ZC3HAV1: variants seen among roughly 807,000 people sequenced by gnomAD.
ZC3HAV1 encodes zinc finger CCCH-type antiviral protein 1.
A neutral mutation model predicts 86.6 loss-of-function variants in ZC3HAV1; 41 were observed. That is an observed-to-expected ratio of 0.47 (90% CI 0.37 to 0.61). The LOEUF is 0.61. Ranked by LOEUF, ZC3HAV1 falls within the 20% of genes least tolerant of loss-of-function variation. The probability of loss-of-function intolerance (pLI) is 0.00; values close to 1 mark genes in which losing one functional copy is unlikely to be tolerated. For synonymous variants in ZC3HAV1, 421 were observed against 432.1 expected, an observed-to-expected ratio of 0.97 and a Z score of 0.32; for missense variants, 964 against 1,141.1, an observed-to-expected ratio of 0.84 and a Z score of 2.24.
intron 1 of ZC3HAV1, among the ~76,000 whole-genome samples, chr7:139,099,305 C>T (rs1278627557): frequency 6.6e-6 from 1 of 152,196 alleles, no homozygotes; most frequent in Non-Finnish European, 1.5e-5. Context: ...AATAACATGA[C>T]TCCATGGACA....
rs1180561128 is a variant in ZC3HAV1 at position 139,044,126 on chromosome 7, C to G, written c.*3468G>C. 3 of 152,208 alleles carry G rather than the reference C, an allele frequency of 2.0e-5. No individual in the cohort carries two copies. The South Asian group carries it at 6.2e-4, about 32-fold the overall frequency. The allele number at this position is 152,208 out of a possible 1,614,324, so 9.4% of individuals were successfully genotyped here. ...ACCTACAGCTTGTCCGAGAGAGTAA[C>G]TCATTTGTTTTCTCTGAGACAATCT... On this transcript the variant is annotated 3_prime_UTR_variant, in exon 13 of 13. Coordinates refer to ENST00000242351, the MANE Select transcript of ZC3HAV1 (RefSeq NM_020119.4).
At chr7:139,101,476 G>A (rs1207523747) in intron 1 of ZC3HAV1, among the ~76,000 whole-genome samples, 5 of 111,710 alleles carry the variant, frequency 4.5e-5, no homozygotes, top group African/African-American at 7.0e-5. Context: ...GATGTGAGGA[G>A]CGCCTCAGCC....
chr7:139,090,426 AAT>A (rs1409506885), intron 1 of ZC3HAV1, among the ~76,000 whole-genome samples: 6 of 152,298 alleles, frequency 3.9e-5, no homozygotes, highest in South Asian at 2.1e-4. Flanking sequence ...TAGGGAATAA[AAT>A]ATGTCAATTT....
At chr7:139,101,483 A>G (rs6978269) in intron 1 of ZC3HAV1, among the ~76,000 whole-genome samples, 209 of 40,688 alleles carry the variant, frequency 5.1e-3, no homozygotes, top group African/African-American at 6.7e-3. Context: ...GGAGCGCCTC[A>G]GCCCGGCCAC....
In ZC3HAV1 at chr7:139,083,883, C is replaced by T. The variant is rs190818695; in HGVS notation, c.594G>A (p.Val198=). Residue 198 remains valine, a synonymous_variant, in exon 3 of 13, where the codon GTG becomes GTA. Transcript: ENST00000242351. The part of the protein sequence containing the change: ...LRSHNLMDRK[V]LAIMREHGLN... ...GCCCGTGCTCCCTCATGATGGCCAGCACCTTTCTGTCCATCAGGTTATGGG... is the reference window on the plus strand; with the variant it reads ...GCCCGTGCTCCCTCATGATGGCCAGTACCTTTCTGTCCATCAGGTTATGGG... The T allele has an allele frequency of 1.2e-6, 2 of 1,614,166 alleles. No individual in the cohort carries two copies. The highest frequency in any genetic ancestry group is 2.2e-5 in the East Asian group (1 of 44,880).
intron 12 of ZC3HAV1, chr7:139,049,412 T>C (rs1273903993): frequency 1.3e-5 from 2 of 152,238 alleles, no homozygotes; most frequent in East Asian, 3.8e-4. Context: ...TCAAGTCTTT[T>C]GCCCATTTTT....
intron 4 of ZC3HAV1, chr7:139,079,050 C>A (rs1214243786): frequency 5.2e-6 from 8 of 1,528,730 alleles, no homozygotes; most frequent in African/African-American, 2.7e-5. Context: ...CCAGCCATAG[C>A]CACTCTGCTG....
At chr7:139,097,161 A>C (rs1227531500) in intron 1 of ZC3HAV1, among the ~76,000 whole-genome samples, 13 of 150,924 alleles carry the variant, frequency 8.6e-5, no homozygotes, top group Admixed American at 8.6e-4. Flanking sequence ...AATAAAAATA[A>C]AAAATAAAAA....
At chr7:139,096,408 G>A (rs376952623) in intron 1 of ZC3HAV1, among the ~76,000 whole-genome samples, 1 of 152,130 alleles carries the variant, frequency 6.6e-6, no homozygotes, top group African/African-American at 2.4e-5. Flanking sequence ...ATACTTCCCA[G>A]CATAAGTCCC....
intron 1 of ZC3HAV1, among the ~76,000 whole-genome samples, chr7:139,104,529 C>A (rs564552384): frequency 3.3e-5 from 5 of 150,358 alleles, no homozygotes; most frequent in Non-Finnish European, 7.4e-5. Flanking sequence ...GACTGGGCAA[C>A]ATAGTGAAAT....
chr7:139,087,075 C>T (rs755252033), intron 2 of ZC3HAV1, among the ~76,000 whole-genome samples: 2 of 152,138 alleles, frequency 1.3e-5, no homozygotes, highest in African/African-American at 2.4e-5. Flanking sequence ...ACTGAAGCAG[C>T]GATCAGACAT....
chr7:139,092,720 C>T (rs1282331677), intron 1 of ZC3HAV1, among the ~76,000 whole-genome samples: 1 of 152,224 alleles, frequency 6.6e-6, no homozygotes, highest in African/African-American at 2.4e-5. Flanking sequence ...TCAAAGCTAG[C>T]CCATGCTGCA....
chr7:139,088,773 A>C (rs1388967537), intron 2 of ZC3HAV1, among the ~76,000 whole-genome samples: 1 of 152,182 alleles, frequency 6.6e-6, no homozygotes, highest in Non-Finnish European at 1.5e-5. Flanking sequence ...AGCAGCCATA[A>C]ACGAATAGGT....
chr7:139,109,192 T>G lies in ZC3HAV1; in HGVS notation c.140A>C (p.Asp47Ala). 6.2e-7 allele frequency: 1 copy of G among 1,606,000 alleles called. No homozygotes were observed. Among genetic ancestry groups the G allele is most frequent in the Non-Finnish European group, 8.5e-7 (1 of 1,176,540 alleles). ...GCCGGTCTCCAACACCACAAAGCGG[T>G]CGGGCCCGGCCACCTGCAGCACCTC... ...LCEVLQVAGP[D>A]RFVVLETGGE... is the part of the protein sequence containing the mutation. The change falls in exon 1 of 13, where the codon GAC becomes GCC. Residue 47 changes from aspartate (D) to alanine (A), a missense_variant. By Grantham distance (126) the Asp-to-Ala change is moderately radical. Coordinates refer to ENST00000242351, the MANE Select transcript of ZC3HAV1 (RefSeq NM_020119.4).
At chr7:139,071,995 TGCCTCTCCCA>T (rs1584852471) in intron 7 of ZC3HAV1, among the ~76,000 whole-genome samples, 3 of 152,194 alleles carry the variant, frequency 2.0e-5, no homozygotes, top group East Asian at 3.8e-4. Context: ...AACAGAGTAG[TGCCTCTCCCA>T]AGTATTTTGT....
chr7:139,101,459 C>G (rs1300676121), intron 1 of ZC3HAV1, among the ~76,000 whole-genome samples: 3 of 114,998 alleles, frequency 2.6e-5, no homozygotes, highest in Non-Finnish European at 5.3e-5. Flanking sequence ...CCTGCCGCCC[C>G]GTCTGGGATG....
At position 139,068,322 on chromosome 7, in the gene ZC3HAV1, A is replaced by G. The variant is rs187352738; in HGVS notation, c.1873-3323T>C. Reference sequence around the variant, plus strand: ...TGATCTGCCCGCCTCAGCCTCCCAAAGTGCTGGGATTACAGGCATGAGCCA... The same window carrying G: ...TGATCTGCCCGCCTCAGCCTCCCAAGGTGCTGGGATTACAGGCATGAGCCA... On this transcript the variant is annotated intron_variant, in intron 7 of 12. Coordinates refer to ENST00000242351, the MANE Select transcript of ZC3HAV1 (RefSeq NM_020119.4). Among the ~76,000 whole-genome samples the G allele has an allele frequency of 5.0e-3, 762 of 152,250 alleles. 3 individuals carry two copies. Among genetic ancestry groups the G allele is most frequent in the Admixed American group, 0.02 (299 of 15,300 alleles).
At chr7:139,058,616 A>G (rs2130673379) in intron 9 of ZC3HAV1, among the ~76,000 whole-genome samples, 1 of 152,234 alleles carries the variant, frequency 6.6e-6, no homozygotes, top group South Asian at 2.1e-4. Context: ...GGGAATCTCG[A>G]GTGTTGGAGA....
At chr7:139,086,017 G>GAA (rs10716830) in intron 2 of ZC3HAV1, among the ~76,000 whole-genome samples, 1 of 138,056 alleles carries the variant, frequency 7.2e-6, no homozygotes, top group African/African-American at 2.7e-5. Context: ...TCTCAAAAAA[G>GAA]AAAAAAAAAA....
Sources: allele counts gnomAD v4.1 joint callset (sites outside exome capture counted in the v4.1 genomes callset), GRCh38; gene constraint gnomAD v4.1.1; transcripts MANE v1.5; gene names NCBI Gene and HGNC (gene_info 2026-07-23, HGNC 2026-07-21).